Variants in MCU observed in about 807,000 individuals in gnomAD.
MCU encodes calcium uniporter protein, mitochondrial.
A neutral mutation model predicts 45.2 loss-of-function variants in MCU; 12 were observed. The ratio of observed to expected loss-of-function variants is 0.27; its 90% CI spans 0.17 to 0.43. The LOEUF is 0.43. Among genes scored for constraint, MCU ranks in the 20% least tolerant of loss-of-function variants. The probability of loss-of-function intolerance (pLI) is 1.00; values close to 1 mark genes in which losing one functional copy is unlikely to be tolerated. For synonymous variants in MCU, 160 were observed against 165.1 expected (o/e 0.97, Z 0.24); for missense variants, 324 against 436.7 (o/e 0.74, Z 2.30).
At chr10:72,747,157 G>T (rs557154281) in intron 1 of MCU, among the ~76,000 whole-genome samples, 3 of 152,160 alleles carry the variant, frequency 2.0e-5, no homozygotes, top group Non-Finnish European at 4.4e-5. Flanking sequence ...ATTCCCCATT[G>T]CACTCCTTCT....
chr10:72,701,595 C>T (rs1481755203), intron 1 of MCU, among the ~76,000 whole-genome samples: 2 of 152,092 alleles, frequency 1.3e-5, no homozygotes, highest in African/African-American at 2.4e-5. Flanking sequence ...GGTGCGATCT[C>T]GGCTCACTGC....
chr10:72,852,924 A>G (rs1208607820), intron 2 of MCU, among the ~76,000 whole-genome samples: 11 of 152,244 alleles, frequency 7.2e-5, no homozygotes, highest in Non-Finnish European at 1.2e-4. Flanking sequence ...CCTTGGACAC[A>G]TGAACATTTG....
chr10:72,742,052 C>T (rs1337082758), intron 1 of MCU, among the ~76,000 whole-genome samples: 1 of 141,354 alleles, frequency 7.1e-6, no homozygotes, highest in Non-Finnish European at 1.5e-5. Flanking sequence ...AAAACAAAAA[C>T]GACATTGCAG....
chr10:72,791,067 G>A (rs191801613), intron 1 of MCU, among the ~76,000 whole-genome samples: 24 of 152,244 alleles, frequency 1.6e-4, no homozygotes, highest in African/African-American at 5.8e-4. Context: ...TTAGAAGTTG[G>A]GGAGAGGGGT....
intron 2 of MCU, among the ~76,000 whole-genome samples, chr10:72,854,397 T>A (rs1845255762): frequency 6.6e-6 from 1 of 152,160 alleles, no homozygotes; most frequent in Non-Finnish European, 1.5e-5. Flanking sequence ...CAAAACAAAA[T>A]TTCTTTAAAA....
Position 72,722,695 on chromosome 10 carries a change from GA to G in MCU, c.150+30397del, listed in dbSNP as rs1843040823. On this transcript the variant is annotated intron_variant, in intron 1 of 7. Transcript: ENST00000373053. ...GTCAAAGAAGAGAGTAGCTTGCACT[GA>G]AAGTTGCTACTTCTTCCTGTTAGAT... Among the ~76,000 whole-genome samples the G allele has an allele frequency of 2.0e-5, 3 of 152,102 alleles. No homozygotes were observed. In the South Asian group the frequency reaches 6.2e-4, roughly 32 times the overall value.
chr10:72,723,090 G>A (rs764083117), intron 1 of MCU, among the ~76,000 whole-genome samples: 83 of 152,268 alleles, frequency 5.5e-4, no homozygotes, highest in Admixed American at 1.3e-3. Flanking sequence ...CAGCAACTTG[G>A]GAGGCTGAGG....
intron 1 of MCU, among the ~76,000 whole-genome samples, chr10:72,772,056 G>A (rs559147710): frequency 6.6e-6 from 1 of 152,200 alleles, no homozygotes; most frequent in African/African-American, 2.4e-5. Context: ...ACTTGTCCTT[G>A]CCTTAACCTG....
chr10:72,695,495 A>C (rs1220093396), intron 1 of MCU, among the ~76,000 whole-genome samples: 5 of 152,010 alleles, frequency 3.3e-5, no homozygotes, highest in African/African-American at 1.2e-4. Flanking sequence ...ATTCATACTA[A>C]ACCTTTATGG....
chr10:72,796,165 G>T (rs1844242497), intron 1 of MCU, among the ~76,000 whole-genome samples: 4 of 151,726 alleles, frequency 2.6e-5, no homozygotes, highest in Admixed American at 2.6e-4. Context: ...CGGTCCAATT[G>T]TGGTGACTCA....
intron 1 of MCU, among the ~76,000 whole-genome samples, chr10:72,799,665 C>A (rs1014554658): frequency 3.3e-5 from 5 of 151,654 alleles, no homozygotes; most frequent in African/African-American, 9.7e-5. Flanking sequence ...TAAGAGTTCA[C>A]ATTAGATACT....
At chr10:72,811,050 T>C (rs1844536277) in intron 1 of MCU, among the ~76,000 whole-genome samples, 1 of 152,232 alleles carries the variant, frequency 6.6e-6, no homozygotes, top group Non-Finnish European at 1.5e-5. Context: ...GCTCAGCACA[T>C]GCTTTTAGAA....
chr10:72,747,350 C>CT (rs1275340112), intron 1 of MCU, among the ~76,000 whole-genome samples: 3 of 152,128 alleles, frequency 2.0e-5, no homozygotes, highest in East Asian at 1.9e-4. Context: ...TTTAAAAACT[C>CT]TGAGTTTTTG....
At chr10:72,744,570 C>T (rs1843384262) in intron 1 of MCU, among the ~76,000 whole-genome samples, 1 of 152,176 alleles carries the variant, frequency 6.6e-6, no homozygotes, top group African/African-American at 2.4e-5. Context: ...GCGGAGGTTA[C>T]AGTGAGCCGA....
intron 1 of MCU, among the ~76,000 whole-genome samples, chr10:72,704,610 TCA>T (rs1033952664): frequency 3.3e-5 from 5 of 151,524 alleles, no homozygotes; most frequent in African/African-American, 1.2e-4. Flanking sequence ...CCATTATAAA[TCA>T]CTGTAGCCTC....
chr10:72,716,456 ATCTTT>A (rs1247223391), intron 1 of MCU, among the ~76,000 whole-genome samples: 3 of 152,256 alleles, frequency 2.0e-5, no homozygotes, highest in Non-Finnish European at 4.4e-5. Flanking sequence ...CAGCTTCTTT[ATCTTT>A]TCTTTTCTTT....
intron 1 of MCU, among the ~76,000 whole-genome samples, chr10:72,816,720 T>G (rs1388727237): frequency 6.6e-6 from 1 of 152,210 alleles, no homozygotes; most frequent in Non-Finnish European, 1.5e-5. Context: ...TGCAGTGAGC[T>G]GCACTCCAGC....
At chr10:72,832,681 T>C (rs1844895956) in intron 1 of MCU, among the ~76,000 whole-genome samples, 2 of 152,320 alleles carry the variant, frequency 1.3e-5, no homozygotes, top group African/African-American at 4.8e-5. Flanking sequence ...TTATTGAGAA[T>C]TTACTCTATG....
chr10:72,704,486 T>C (rs1000929301), intron 1 of MCU, among the ~76,000 whole-genome samples: 5 of 152,134 alleles, frequency 3.3e-5, no homozygotes, highest in Non-Finnish European at 7.3e-5. Flanking sequence ...CCTGCTAAAA[T>C]TTTAAATTTT....
Sources: allele counts gnomAD v4.1 joint callset (sites outside exome capture counted in the v4.1 genomes callset), GRCh38; gene constraint gnomAD v4.1.1; transcripts MANE v1.5; gene names NCBI Gene and HGNC (gene_info 2026-07-23, HGNC 2026-07-21).